Variants in FBXL4 observed in about 807,000 individuals in gnomAD.
FBXL4 encodes F-box/LRR-repeat protein 4.
Under a neutral mutation model 58.9 loss-of-function variants are expected in FBXL4, and 40 were observed. That is an observed-to-expected ratio of 0.68 (90% CI 0.53 to 0.88). FBXL4 has a LOEUF of 0.88. Ranked by LOEUF, FBXL4 falls within the 40% of genes least tolerant of loss-of-function variation. The probability of loss-of-function intolerance (pLI) is 0.00; values close to 1 mark genes in which losing one functional copy is unlikely to be tolerated. For missense variants in FBXL4, 676 were observed against 734.4 expected (o/e 0.92, Z 0.92); for synonymous variants, 263 against 265.5 (o/e 0.99, Z 0.09).
chr6:98,940,784 T>C (rs1773403959), intron 1 of FBXL4, among the ~76,000 whole-genome samples: 1 of 152,122 alleles, frequency 6.6e-6, no homozygotes, highest in South Asian at 2.1e-4. Context: ...GGGATACTTG[T>C]ACATGTCCTA....
At chr6:98,880,708 G>T in intron 7 of FBXL4, 84 bp from the exon 8 acceptor site, 2 of 1,111,832 alleles carry the variant, frequency 1.8e-6, no homozygotes, top group Non-Finnish European at 2.7e-6. Context: ...GACATTAAAG[G>T]CTGTCACTGC....
intron 8 of FBXL4, 129 bp from the exon 9 acceptor site, chr6:98,875,856 A>G (rs1038342720): frequency 2.2e-5 from 19 of 882,018 alleles, no homozygotes; most frequent in Non-Finnish European, 2.6e-5. Flanking sequence ...CCTTGTTAAT[A>G]CAGATCTGCC....
chr6:98,898,577 C>G, intron 7 of FBXL4: 1 of 946,250 alleles, frequency 1.1e-6, no homozygotes, highest in Non-Finnish European at 1.3e-6. Flanking sequence ...TGCACTCCAG[C>G]CTGGGCAACA....
At chr6:98,936,404 T>A (rs933367817) in intron 1 of FBXL4, among the ~76,000 whole-genome samples, 14 of 152,186 alleles carry the variant, frequency 9.2e-5, no homozygotes, top group African/African-American at 2.9e-4. Flanking sequence ...AGTGAAATAA[T>A]ATGGTATGTA....
intron 1 of FBXL4, among the ~76,000 whole-genome samples, chr6:98,943,720 T>C (rs1242314127): frequency 6.6e-6 from 1 of 151,650 alleles, no homozygotes; most frequent in Non-Finnish European, 1.5e-5. Flanking sequence ...GTAAAATGAC[T>C]GAAAATAAAC....
rs1188127738 is a variant in FBXL4, at chr6:98,905,326, C to T, written c.1103+100G>A. 2.1e-5 allele frequency: 27 copies of T among 1,309,832 alleles called. No individual in the cohort carries two copies. In the South Asian group the frequency reaches 3.2e-4, roughly 16 times the overall value. The allele number at this position is 1,309,832 out of a possible 1,614,324, so 81.1% of individuals were successfully genotyped here. A position where few individuals can be genotyped will look rare whatever the true frequency, so the allele number is the denominator to read the frequency against. ...TATTTCCTTTTTATTTTTGTAAGTA[C>T]ATGTTACATAATTTCAAACTTTTAT... On this transcript the variant is annotated intron_variant, in intron 6 of 9. Coordinates refer to ENST00000369244, the MANE Select transcript of FBXL4 (RefSeq NM_001278716.2).
rs1194723308 is a variant in FBXL4, at chr6:98,868,720, G to A, written c.*5558C>T. The A allele has an allele frequency of 1.3e-5, 2 of 151,978 alleles. No individual in the cohort carries two copies. Among genetic ancestry groups the A allele is most frequent in the African/African-American group, 2.4e-5 (1 of 41,400 alleles). 9.4% of individuals were successfully genotyped at this position (151,978 alleles called of 1,614,324 possible). A position where few individuals can be genotyped will look rare whatever the true frequency, so the allele number is the denominator to read the frequency against. ...GTATTCTACTCTATTTATCTGATAC[G>A]ACTATTTTGCTTTTAAATGTTTTCC... On this transcript the variant is annotated 3_prime_UTR_variant, in exon 10 of 10. Transcript: ENST00000369244.
At chr6:98,936,696 A>G (rs762909438) in intron 1 of FBXL4, among the ~76,000 whole-genome samples, 14 of 152,220 alleles carry the variant, frequency 9.2e-5, no homozygotes, top group Non-Finnish European at 1.9e-4. Context: ...TATAAAACAT[A>G]TATTAACCAA....
rs1772050956 is a variant in FBXL4, at chr6:98,911,248, C to T, written c.859-5578G>A. ...CCTCTGTAGGCTCCACCTCTGGGGG[C>T]AGGGCACAGACAAACAAAAAGACAG... On this transcript the variant is annotated intron_variant, in intron 5 of 9. Coordinates refer to ENST00000369244, the MANE Select transcript of FBXL4 (RefSeq NM_001278716.2). Among the ~76,000 whole-genome samples the T allele has an allele frequency of 2.6e-5, 4 of 152,308 alleles. No homozygotes were observed. In the South Asian group the frequency reaches 8.3e-4, roughly 32 times the overall value.
At position 98,875,556 on chromosome 6, in the gene FBXL4, T is replaced by A; in HGVS notation, c.1561A>T (p.Ser521Cys). 6.2e-6 allele frequency: 10 copies of A among 1,614,154 alleles called. No individual in the cohort carries two copies. The highest frequency in any genetic ancestry group is 7.6e-6 in the Non-Finnish European group (9 of 1,180,004). The change falls in exon 9 of 10, where the codon AGC (serine) becomes TGC (cysteine). Residue 521 changes from serine to cysteine, a missense_variant. Coordinates refer to ENST00000369244, the MANE Select transcript of FBXL4 (RefSeq NM_001278716.2). ...GCCAGTCTGGTGAAGCACCCGGTGC[T>A]GCTCTGCAGAGTTGGGCACCAGCCA... Reference protein sequence around the residue: ...DLGWCPTLQSSTGCFTRLAHQ... With the variant: ...DLGWCPTLQSCTGCFTRLAHQ...
intron 5 of FBXL4, among the ~76,000 whole-genome samples, chr6:98,916,906 T>C (rs368354446): frequency 1.4e-5 from 2 of 148,088 alleles, no homozygotes; most frequent in East Asian, 4.0e-4. Flanking sequence ...GTTAGGAGAA[T>C]ATAGAATAGA....
rs1554221258 is a variant in FBXL4, at chr6:98,917,720, C to T, written c.513-1G>A. On this transcript the variant is annotated splice_acceptor_variant, in intron 4 of 9. Transcript: ENST00000369244. LOFTEE classifies it high-confidence loss of function. ...TCTCTCTGACCAAAGAATCTCCCAT[C>T]TGCCAAAAAAAGAAACTTCCCTATA... The T allele has an allele frequency of 6.3e-7, 1 of 1,580,068 alleles. No homozygotes were observed. Among genetic ancestry groups the T allele is most frequent in the East Asian group, 2.2e-5 (1 of 44,724 alleles).
chr6:98,875,864 G>T, intron 8 of FBXL4, 137 bp from the exon 9 acceptor site: 1 of 818,724 alleles, frequency 1.2e-6, no homozygotes, highest in African/African-American at 1.7e-5. Flanking sequence ...ATACAGATCT[G>T]CCCACTGACC....
Position 98,926,542 on chromosome 6 carries a change from T to C in FBXL4, c.447A>G (p.Gly149=). Residue 149 remains glycine, a synonymous_variant, in exon 4 of 10, where the codon GGA becomes GGG. Coordinates refer to ENST00000369244, the MANE Select transcript of FBXL4 (RefSeq NM_001278716.2). ...AACAAGCGAGAATTCTAATGACTGCTCCGGGATGATAGGTTTCTAGAACAT... is the reference window on the plus strand; with the variant it reads ...AACAAGCGAGAATTCTAATGACTGCCCCGGGATGATAGGTTTCTAGAACAT... The part of the protein sequence containing the change: ...AVHVLETYHP[G]AVIRILACSA... The C allele has an allele frequency of 1.2e-6, 2 of 1,614,100 alleles. No individual in the cohort carries two copies. Among genetic ancestry groups the C allele is most frequent in the Non-Finnish European group, 1.7e-6 (2 of 1,179,994 alleles).
chr6:98,944,163 CAA>C (rs1244027113), intron 1 of FBXL4, among the ~76,000 whole-genome samples: 1 of 152,040 alleles, frequency 6.6e-6, no homozygotes, highest in Non-Finnish European at 1.5e-5. Flanking sequence ...AGAATGTGTA[CAA>C]AGAGTATTTT....
intron 7 of FBXL4, 54 bp from the exon 8 acceptor site, chr6:98,880,678 CAA>C: frequency 2.7e-6 from 4 of 1,461,526 alleles, no homozygotes; most frequent in Admixed American, 1.7e-5. Flanking sequence ...GAAAGTGAAA[CAA>C]AGAGAAGAGG....
chr6:98,871,327 C>T lies in FBXL4; in HGVS notation c.*2951G>A, dbSNP rs1263887822. The stretch of plus-strand genomic sequence containing the variant: ...TCAATAAAAAACAAGGCAAATGACC[C>T]TGAGTGGTTTTCCTTGGCTCTTGAT... On this transcript the variant is annotated 3_prime_UTR_variant, in exon 10 of 10. Coordinates refer to ENST00000369244, the MANE Select transcript of FBXL4 (RefSeq NM_001278716.2). The T allele has an allele frequency of 1.3e-5, 2 of 152,172 alleles. No individual in the cohort carries two copies. The highest frequency in any genetic ancestry group is 2.9e-5 in the Non-Finnish European group (2 of 68,026). 9.4% of individuals were successfully genotyped at this position (152,172 alleles called of 1,614,324 possible). A position where few individuals can be genotyped will look rare whatever the true frequency, so the allele number is the denominator to read the frequency against.
chr6:98,888,149 T>A (rs532849415), intron 7 of FBXL4, among the ~76,000 whole-genome samples: 1 of 152,316 alleles, frequency 6.6e-6, no homozygotes, highest in East Asian at 1.9e-4. Flanking sequence ...GACCACCAAC[T>A]CAATAGTTTG....
chr6:98,890,427 G>A (rs991825594), intron 7 of FBXL4, among the ~76,000 whole-genome samples: 2 of 152,152 alleles, frequency 1.3e-5, no homozygotes, highest in African/African-American at 4.8e-5. Context: ...GAGTAAGGTG[G>A]TGAAATTTTA....
Sources: gnomAD v4.1 joint callset for allele counts (sites outside exome capture counted in the v4.1 genomes callset) on GRCh38, gnomAD v4.1.1 for gene constraint, MANE v1.5 for transcripts, NCBI Gene and HGNC (gene_info 2026-07-23, HGNC 2026-07-21) for gene names.